DCLK1: variants seen among roughly 807,000 people sequenced by gnomAD.
DCLK1 encodes the protein serine/threonine-protein kinase DCLK1.
In DCLK1, 16 loss-of-function variants were observed where a neutral mutation model predicts 86.2. The ratio of observed to expected loss-of-function variants is 0.19; its 90% CI spans 0.13 to 0.28. DCLK1 has a LOEUF of 0.28. Ranked by LOEUF, DCLK1 falls within the 10% of genes least tolerant of loss-of-function variation. The probability of loss-of-function intolerance (pLI) is 1.00; values close to 1 mark genes in which losing one functional copy is unlikely to be tolerated. For synonymous variants in DCLK1, 369 were observed against 370.5 expected, an observed-to-expected ratio of 1.00 and a Z score of 0.05; for missense variants, 590 against 940.2, an observed-to-expected ratio of 0.63 and a Z score of 4.87.
At chr13:35,796,883 G>A (rs9601346) in intron 15 of DCLK1, among the ~76,000 whole-genome samples, 13,800 of 152,232 alleles carry the variant, frequency 0.091, 2,039 homozygotes, top group African/African-American at 0.31. Context: ...ATTAGGGGCT[G>A]AACAAACCAG....
At chr13:35,955,378 G>A (rs1292981848) in intron 3 of DCLK1, among the ~76,000 whole-genome samples, 1 of 151,974 alleles carries the variant, frequency 6.6e-6, no homozygotes, top group Non-Finnish European at 1.5e-5. Flanking sequence ...GTCTGGTGAG[G>A]GCCTGCTTTC....
chr13:35,794,355 T>C (rs571675262), intron 15 of DCLK1, among the ~76,000 whole-genome samples: 3 of 152,112 alleles, frequency 2.0e-5, no homozygotes, highest in East Asian at 1.9e-4. Flanking sequence ...AGAGTGTTTG[T>C]AACTCACTGC....
At chr13:36,061,614 T>C (rs1193093169) in intron 3 of DCLK1, among the ~76,000 whole-genome samples, 2 of 152,186 alleles carry the variant, frequency 1.3e-5, no homozygotes, top group African/African-American at 4.8e-5. Flanking sequence ...CACATGACAC[T>C]TAATAAAAAT....
At chr13:36,072,387 C>T (rs1354981784) in intron 3 of DCLK1, among the ~76,000 whole-genome samples, 1 of 152,184 alleles carries the variant, frequency 6.6e-6, no homozygotes, top group African/African-American at 2.4e-5. Flanking sequence ...TTTGGAGCAA[C>T]CTAAGGTCAG....
At chr13:35,992,500 T>G (rs1880282030) in intron 3 of DCLK1, among the ~76,000 whole-genome samples, 1 of 151,782 alleles carries the variant, frequency 6.6e-6, no homozygotes, top group Non-Finnish European at 1.5e-5. Flanking sequence ...AAACAAAGGG[T>G]TATACAGACA....
chr13:35,936,334 C>G (rs1298921852), intron 4 of DCLK1, among the ~76,000 whole-genome samples: 1 of 152,144 alleles, frequency 6.6e-6, no homozygotes, highest in African/African-American at 2.4e-5. Flanking sequence ...AACATTTCAC[C>G]CAGACTCCAA....
chr13:35,948,848 AAG>A (rs765904038), intron 3 of DCLK1, among the ~76,000 whole-genome samples: 22 of 152,206 alleles, frequency 1.4e-4, no homozygotes, highest in East Asian at 3.9e-4. Flanking sequence ...GAAGGGCTTC[AAG>A]AGAGATGTCA....
chr13:35,866,295 C>G (rs920556554), intron 5 of DCLK1, among the ~76,000 whole-genome samples: 1 of 152,158 alleles, frequency 6.6e-6, no homozygotes, highest in Non-Finnish European at 1.5e-5. Flanking sequence ...ATGTTATATT[C>G]ATAGCAGCAT....
intron 3 of DCLK1, among the ~76,000 whole-genome samples, chr13:35,960,259 ACTCT>A (rs1878383690): frequency 6.6e-6 from 1 of 151,832 alleles, no homozygotes; most frequent in African/African-American, 2.4e-5. Flanking sequence ...AAAAATGAAT[ACTCT>A]CTCTCTAAAA....
intron 3 of DCLK1, among the ~76,000 whole-genome samples, chr13:35,964,512 T>C (rs1419079983): frequency 6.6e-6 from 1 of 152,212 alleles, no homozygotes; most frequent in Non-Finnish European, 1.5e-5. Context: ...CAGGAAGACA[T>C]TAAATCAGCA....
intron 3 of DCLK1, among the ~76,000 whole-genome samples, chr13:35,993,355 C>T (rs965041914): frequency 3.9e-5 from 6 of 152,192 alleles, no homozygotes; most frequent in African/African-American, 1.4e-4. Context: ...TTGTCTCTTT[C>T]ATGCCTCAGT....
intron 4 of DCLK1, among the ~76,000 whole-genome samples, chr13:35,904,435 G>T (rs1874565155): frequency 6.6e-6 from 1 of 152,152 alleles, no homozygotes; most frequent in South Asian, 2.1e-4. Flanking sequence ...CAGGTGATCT[G>T]CTCGCCCCAA....
At chr13:35,855,056 A>T (rs1026685604) in intron 5 of DCLK1, among the ~76,000 whole-genome samples, 1 of 152,220 alleles carries the variant, frequency 6.6e-6, no homozygotes, top group Non-Finnish European at 1.5e-5. Flanking sequence ...ACTCACTTCT[A>T]GAAAAATGTC....
At chr13:35,793,161 G>C (rs931544144) in intron 16 of DCLK1, among the ~76,000 whole-genome samples, 17 of 152,166 alleles carry the variant, frequency 1.1e-4, no homozygotes, top group African/African-American at 4.1e-4. Flanking sequence ...GGAGGTGTTG[G>C]ATAATGATGT....
chr13:35,964,282 TG>T (rs780679905), intron 3 of DCLK1, among the ~76,000 whole-genome samples: 5 of 152,182 alleles, frequency 3.3e-5, no homozygotes, highest in Non-Finnish European at 7.3e-5. Context: ...GTGCCAGGTT[TG>T]GAGAATTTGT....
chr13:35,917,146 C>T (rs896306194), intron 4 of DCLK1, among the ~76,000 whole-genome samples: 3 of 152,178 alleles, frequency 2.0e-5, no homozygotes, highest in African/African-American at 7.2e-5. Context: ...AAATCTAGCA[C>T]AAAAACACAC....
Position 35,808,238 on chromosome 13 carries a change from A to C in DCLK1, c.1849T>G (p.Ser617Ala). Residue 617 changes from serine (S) to alanine (A), a missense_variant, in exon 14 of 17, where the codon TCC becomes GCC. Around this residue, in one of 6 missense-constraint regions of DCLK1, gnomAD observed 146 missense variants for 190.2 expected, o/e 0.77. Transcript: ENST00000360631. ...DFPSPYWDNVSDSAKELITMM... is the reference protein window; with the variant it reads ...DFPSPYWDNVADSAKELITMM... ...TGGACACCTACCTTTGCAGAATCGG[A>C]AACATTATCCCAGTATGGAGAAGGA... 1 of 1,614,092 alleles carries C rather than the reference A, an allele frequency of 6.2e-7. No individual in the cohort carries two copies. The highest frequency in any genetic ancestry group is 8.5e-7 in the Non-Finnish European group (1 of 1,179,962).
At chr13:35,978,742 T>TA (rs981933097) in intron 3 of DCLK1, among the ~76,000 whole-genome samples, 8 of 152,294 alleles carry the variant, frequency 5.3e-5, no homozygotes, top group Admixed American at 3.3e-4. Context: ...AATTTACACT[T>TA]ACCCTGACAA....
intron 3 of DCLK1, among the ~76,000 whole-genome samples, chr13:36,100,139 T>C (rs1354182688): frequency 4.5e-5 from 6 of 133,748 alleles, no homozygotes; most frequent in Non-Finnish European, 9.1e-5. Flanking sequence ...GTCCAGGTGT[T>C]CGAGGCCAGC....
Sources: gnomAD v4.1 joint callset for allele counts (sites outside exome capture counted in the v4.1 genomes callset) on GRCh38, gnomAD v4.1.1 for gene constraint, gnomAD v4.1.1 regional missense constraint, MANE v1.5 for transcripts, NCBI Gene and HGNC (gene_info 2026-07-23, HGNC 2026-07-21) for gene names.